ADGRV1: variants seen among roughly 807,000 people sequenced by gnomAD.
ADGRV1 encodes the protein G-protein coupled receptor 98.
ADGRV1 carries 359 observed loss-of-function variants against 596.2 expected under a neutral mutation model. The observed-to-expected ratio is 0.60, with a 90% CI of 0.55 to 0.66. ADGRV1 has a LOEUF of 0.66. ADGRV1 is among the 30% of genes least tolerant of loss of function. The pLI is 0.00. For missense variants in ADGRV1, 7,274 were observed against 7,575.6 expected (o/e 0.96, Z 1.48); for synonymous variants, 2,681 against 2,679.2 (o/e 1.00, Z -0.02).
chr5:90,773,552 T>C (rs911594889), intron 59 of ADGRV1, among the ~76,000 whole-genome samples: 3 of 152,086 alleles, frequency 2.0e-5, no homozygotes, highest in Non-Finnish European at 4.4e-5. Flanking sequence ...CAAGTGGAAC[T>C]GATATGAGTA....
chr5:90,763,775 G>A (rs1313409999), intron 59 of ADGRV1, among the ~76,000 whole-genome samples: 1 of 152,182 alleles, frequency 6.6e-6, no homozygotes, highest in Non-Finnish European at 1.5e-5. Flanking sequence ...AGAACACATG[G>A]TATTTGATTT....
intron 83 of ADGRV1, among the ~76,000 whole-genome samples, chr5:90,954,359 T>C (rs1489847097): frequency 6.6e-6 from 1 of 152,120 alleles, no homozygotes; most frequent in Non-Finnish European, 1.5e-5. Flanking sequence ...TAATTCACTT[T>C]TTTAAATAGC....
intron 83 of ADGRV1, among the ~76,000 whole-genome samples, chr5:90,951,964 GT>G (rs1327206612): frequency 6.6e-6 from 1 of 152,164 alleles, no homozygotes; most frequent in Non-Finnish European, 1.5e-5. Flanking sequence ...ATGCAAATCA[GT>G]GGGAATACTG....
intron 79 of ADGRV1, among the ~76,000 whole-genome samples, chr5:90,849,117 A>AG (rs1401450732): frequency 6.6e-6 from 1 of 151,766 alleles, no homozygotes; most frequent in African/African-American, 2.4e-5. Context: ...CATTCTGAAT[A>AG]GAAAAAAAAA....
At chr5:90,819,987 C>T (rs1172992068) in intron 75 of ADGRV1, among the ~76,000 whole-genome samples, 31 of 150,034 alleles carry the variant, frequency 2.1e-4, no homozygotes, top group African/African-American at 5.4e-4. Context: ...CTTTCTGTCT[C>T]GTTGATCTGT....
intron 2 of ADGRV1, among the ~76,000 whole-genome samples, chr5:90,616,948 C>T (rs1208117653): frequency 6.6e-6 from 1 of 152,170 alleles, no homozygotes; most frequent in Non-Finnish European, 1.5e-5. Flanking sequence ...CCATCAGGTC[C>T]ACATTCTTTA....
chr5:90,690,875 C>G lies in ADGRV1; in HGVS notation c.6785C>G (p.Ser2262Cys), dbSNP rs768495896. ...VKVNLPIIRNSGTLGNVTVQW... is the reference protein window; with the variant it reads ...VKVNLPIIRNCGTLGNVTVQW... ...GTAAACCTGCCAATAATTCGAAATT[C>G]TGGGACACTCGGCAATGTTACTGTT... The change falls in exon 31 of 90, where the codon TCT (serine) becomes TGT (cysteine). Residue 2262 changes from serine (S) to cysteine (C), a missense_variant. Physicochemically the swap from Ser to Cys is moderately radical, Grantham distance 112. Transcript: ENST00000405460. The G allele has an allele frequency of 6.2e-7, 1 of 1,612,976 alleles. No homozygotes were observed. The highest frequency in any genetic ancestry group is 1.1e-5 in the South Asian group (1 of 90,994).
intron 86 of ADGRV1, among the ~76,000 whole-genome samples, chr5:91,081,698 A>T (rs1040858233): frequency 1.3e-5 from 2 of 152,164 alleles, no homozygotes; most frequent in Non-Finnish European, 2.9e-5. Flanking sequence ...AGGCAGGAAA[A>T]TGTCTTGAAC....
intron 1 of ADGRV1, among the ~76,000 whole-genome samples, chr5:90,578,116 C>A (rs961236053): frequency 6.6e-5 from 10 of 152,178 alleles, no homozygotes; most frequent in African/African-American, 2.4e-4. Flanking sequence ...CTTTATCTTG[C>A]CTGATTGCCC....
At chr5:90,695,730 A>G (rs1450511892) in intron 33 of ADGRV1, among the ~76,000 whole-genome samples, 3 of 152,122 alleles carry the variant, frequency 2.0e-5, no homozygotes, top group Non-Finnish European at 4.4e-5. Context: ...TAAAAATTGT[A>G]TAAAATATTT....
At chr5:90,862,592 G>C (rs1349827867) in intron 82 of ADGRV1, among the ~76,000 whole-genome samples, 2 of 152,080 alleles carry the variant, frequency 1.3e-5, no homozygotes, top group Non-Finnish European at 2.9e-5. Context: ...CTGTACTTGT[G>C]TGGGTGAATT....
intron 83 of ADGRV1, among the ~76,000 whole-genome samples, chr5:90,961,255 C>T (rs572392191): frequency 6.6e-6 from 1 of 152,058 alleles, no homozygotes; most frequent in African/African-American, 2.4e-5. Flanking sequence ...AATCCCAGCA[C>T]TTTGGGAGGC....
intron 85 of ADGRV1, among the ~76,000 whole-genome samples, chr5:91,035,971 A>C (rs1181544217): frequency 6.7e-6 from 1 of 149,066 alleles, no homozygotes; most frequent in Non-Finnish European, 1.5e-5. Flanking sequence ...AAGAACAAAA[A>C]TATGAGATAA....
intron 1 of ADGRV1, among the ~76,000 whole-genome samples, chr5:90,584,208 A>G (rs1322329814): frequency 1.3e-5 from 2 of 152,204 alleles, no homozygotes; most frequent in Non-Finnish European, 2.9e-5. Flanking sequence ...GTTAGCTGCT[A>G]TTAGCTAATA....
At chr5:91,041,323 C>G (rs926410691) in intron 85 of ADGRV1, among the ~76,000 whole-genome samples, 1 of 152,122 alleles carries the variant, frequency 6.6e-6, no homozygotes, top group African/African-American at 2.4e-5. Context: ...AGGATGAGTT[C>G]ATGTCCTTTG....
At chr5:90,723,261 G>A (rs537085138) in intron 45 of ADGRV1, among the ~76,000 whole-genome samples, 25 of 152,252 alleles carry the variant, frequency 1.6e-4, no homozygotes, top group Non-Finnish European at 3.2e-4. Context: ...GTGGTGTGGT[G>A]TCGGAGGTTT....
intron 53 of ADGRV1, among the ~76,000 whole-genome samples, chr5:90,752,678 A>G (rs931542878): frequency 6.6e-6 from 1 of 152,230 alleles, no homozygotes; most frequent in Non-Finnish European, 1.5e-5. Context: ...ATACCATTCA[A>G]TACAGCAATC....
chr5:91,004,861 G>GA (rs1418063095), intron 85 of ADGRV1, among the ~76,000 whole-genome samples: 1 of 152,128 alleles, frequency 6.6e-6, no homozygotes, highest in African/African-American at 2.4e-5. Context: ...TCCTAGGGGA[G>GA]AGAGCATGGC....
chr5:91,060,353 G>A (rs1787292784), intron 85 of ADGRV1, among the ~76,000 whole-genome samples: 1 of 148,982 alleles, frequency 6.7e-6, no homozygotes, highest in Admixed American at 6.7e-5. Flanking sequence ...ACTCCACCAT[G>A]CCTGGCAATT....
Sources: allele counts gnomAD v4.1 joint callset (sites outside exome capture counted in the v4.1 genomes callset), GRCh38; gene constraint gnomAD v4.1.1; transcripts MANE v1.5; gene names NCBI Gene and HGNC (gene_info 2026-07-23, HGNC 2026-07-21).